ZNF81: variants seen among roughly 807,000 people sequenced by gnomAD.
The protein encoded by ZNF81 is zinc finger protein 81 (HFZ20).
Under a neutral mutation model 32.3 loss-of-function variants are expected in ZNF81, and 5 were observed. That is an observed-to-expected ratio of 0.15 (90% CI 0.08 to 0.33). The LOEUF is 0.33. Ranked by LOEUF, ZNF81 falls within the 10% of genes least tolerant of loss-of-function variation. The pLI, the probability that ZNF81 is intolerant of heterozygous loss-of-function variation, is 1.00. For synonymous variants in ZNF81, 163 were observed against 166.8 expected (o/e 0.98, Z 0.17); for missense variants, 379 against 479.8 (o/e 0.79, Z 1.96).
chrX:47,860,838 A>AT (rs1297175098), intron 2 of ZNF81: 10 of 111,251 alleles, frequency 9.0e-5, no homozygotes, highest in Non-Finnish European at 1.7e-4. Context: ...CCCTTCCCAC[A>AT]TACCTTGCCC....
At chrX:47,852,615 T>C (rs2058500106) in intron 2 of ZNF81, among the ~76,000 whole-genome samples, 1 of 112,676 alleles carries the variant, frequency 8.9e-6, no homozygotes. Flanking sequence ...AGTTTTATCA[T>C]GAGATGGCAG....
At chrX:47,870,272 T>G (rs1156975019) in intron 2 of ZNF81, among the ~76,000 whole-genome samples, 1 of 112,077 alleles carries the variant, frequency 8.9e-6, no homozygotes, top group African/African-American at 3.2e-5. Flanking sequence ...ACATCATAGG[T>G]CTGCCAAACA....
intron 2 of ZNF81, among the ~76,000 whole-genome samples, chrX:47,850,949 A>G (rs1451930027): frequency 9.7e-6 from 1 of 102,986 alleles, no homozygotes; most frequent in African/African-American, 3.5e-5. Context: ...CAACACCCCT[A>G]TATCCATTTT....
At chrX:47,851,913 C>T (rs2058497160) in intron 2 of ZNF81, among the ~76,000 whole-genome samples, 2 of 112,504 alleles carry the variant, frequency 1.8e-5, no homozygotes, top group African/African-American at 6.5e-5. Context: ...AAGATGCCTA[C>T]ACATTTGTCC....
intron 3 of ZNF81, among the ~76,000 whole-genome samples, chrX:47,889,601 A>G (rs2058655408): frequency 8.9e-6 from 1 of 112,084 alleles, no homozygotes; most frequent in Non-Finnish European, 1.9e-5. Flanking sequence ...TACACCATGT[A>G]TTAGTCCGTT....
chrX:47,910,277 A>G (rs2058735212), intron 4 of ZNF81, among the ~76,000 whole-genome samples: 1 of 111,810 alleles, frequency 8.9e-6, no homozygotes, highest in Non-Finnish European at 1.9e-5. Flanking sequence ...CAGCAAAAGA[A>G]ACTACCATGA....
chrX:47,856,382 G>T (rs1313713210), intron 2 of ZNF81, among the ~76,000 whole-genome samples: 1 of 111,353 alleles, frequency 9.0e-6, no homozygotes, highest in Non-Finnish European at 1.9e-5. Flanking sequence ...CTGGTCTTAT[G>T]TTGGGATGAG....
At chrX:47,896,813 A>G (rs1381738010) in intron 4 of ZNF81, among the ~76,000 whole-genome samples, 1 of 111,567 alleles carries the variant, frequency 9.0e-6, no homozygotes, top group East Asian at 2.8e-4. Flanking sequence ...TTAGGGTTTT[A>G]TATAAATGGA....
At chrX:47,880,134 T>G (rs1402204986) in intron 2 of ZNF81, among the ~76,000 whole-genome samples, 2 of 112,147 alleles carry the variant, frequency 1.8e-5, no homozygotes, top group Non-Finnish European at 3.8e-5. Flanking sequence ...AATATGTCTG[T>G]GTGTTCAGGG....
intron 2 of ZNF81, among the ~76,000 whole-genome samples, chrX:47,877,557 C>G (rs1404201102): frequency 9.0e-6 from 1 of 111,637 alleles, no homozygotes; most frequent in Non-Finnish European, 1.9e-5. Context: ...AACTCTGTAT[C>G]GGGCGGCAAG....
chrX:47,887,535 T>A (rs2058646737), intron 2 of ZNF81, among the ~76,000 whole-genome samples: 2 of 111,853 alleles, frequency 1.8e-5, no homozygotes, highest in Admixed American at 1.9e-4. Flanking sequence ...CAGAGTATAC[T>A]TTCTGACCAT....
intron 3 of ZNF81, among the ~76,000 whole-genome samples, chrX:47,893,794 CAA>C (rs34645071): frequency 1.7e-5 from 1 of 58,131 alleles, no homozygotes; most frequent in Non-Finnish European, 3.3e-5. Flanking sequence ...GACTCTGTCT[CAA>C]AAAAAAAAAA....
intron 2 of ZNF81, among the ~76,000 whole-genome samples, chrX:47,867,442 T>G (rs782775474): frequency 8.9e-6 from 1 of 112,075 alleles, no homozygotes; most frequent in Non-Finnish European, 1.9e-5. Flanking sequence ...TAAATGTTTT[T>G]TCTCCTTATG....
chrX:47,851,433 T>A (rs1479949775), intron 2 of ZNF81, among the ~76,000 whole-genome samples: 1 of 112,269 alleles, frequency 8.9e-6, no homozygotes, highest in East Asian at 2.8e-4. Flanking sequence ...TTCTTTTTGG[T>A]CAGTCTGATA....
chrX:47,846,691 A>G (rs782365053), intron 2 of ZNF81, among the ~76,000 whole-genome samples: 1 of 112,051 alleles, frequency 8.9e-6, no homozygotes, highest in African/African-American at 3.2e-5. Context: ...AGAAAAAAAA[A>G]AGCTCTTCCA....
chrX:47,867,940 C>T (rs977421404), intron 2 of ZNF81, among the ~76,000 whole-genome samples: 6 of 111,679 alleles, frequency 5.4e-5, no homozygotes, highest in African/African-American at 2.0e-4. Context: ...ATTTATAAAA[C>T]GTAGCCCTGT....
Position 47,915,707 on chromosome X carries a change from G to C in ZNF81, c.1061G>C (p.Arg354Thr). 8.3e-7 allele frequency: 1 copy of C among 1,210,593 alleles called. No homozygotes were observed. Among genetic ancestry groups the C allele is most frequent in the East Asian group, 3.0e-5 (1 of 33,827 alleles). Residue 354 changes from arginine to threonine, a missense_variant, in exon 5 of 5, where the codon AGA becomes ACA. Coordinates refer to ENST00000338637, the MANE Select transcript of ZNF81 (RefSeq NM_007137.5). ...ELIMHEKTHT[R>T]EKPYKCNECG... ...ATTATGCATGAGAAAACTCATACTAGAGAGAAACCCTATAAATGCAATGAA... is the reference window on the plus strand; with the variant it reads ...ATTATGCATGAGAAAACTCATACTACAGAGAAACCCTATAAATGCAATGAA...
chrX:47,876,618 C>T (rs1301701806), intron 2 of ZNF81, among the ~76,000 whole-genome samples: 3 of 112,376 alleles, frequency 2.7e-5, no homozygotes, highest in African/African-American at 9.7e-5. Flanking sequence ...TGTCTTCTAC[C>T]TCCAGTGGGG....
intron 1 of ZNF81, among the ~76,000 whole-genome samples, chrX:47,837,272 T>C (rs1207493): frequency 0.14 from 15,186 of 111,545 alleles, 1,688 homozygotes; most frequent in African/African-American, 0.38. Context: ...CTAACCTTAG[T>C]TTTCTGTGTT....
Sources: allele counts gnomAD v4.1 joint callset (sites outside exome capture counted in the v4.1 genomes callset), GRCh38; gene constraint gnomAD v4.1.1; transcripts MANE v1.5; gene names NCBI Gene and HGNC (gene_info 2026-07-23, HGNC 2026-07-21).